The following LYZL4 variants were observed in gnomAD, a reference collection of about 807,000 sequenced individuals.
LYZL4 encodes the protein lysozyme-like protein 4.
LYZL4 carries 13 observed loss-of-function variants against 17.6 expected under a neutral mutation model. That is an observed-to-expected ratio of 0.74 (90% CI 0.48 to 1.18). The LOEUF is 1.18. Among genes scored for constraint, LYZL4 ranks in the 50% most tolerant of loss-of-function variants. LYZL4 has a pLI of 0.00. For missense variants in LYZL4, 174 were observed against 188.2 expected (o/e 0.92, Z 0.44); for synonymous variants, 64 against 67.7 (o/e 0.95, Z 0.27).
chr3:42,370,906 A>G, the LYZL4 span, among the ~76,000 whole-genome samples: 1 of 152,178 alleles, frequency 6.6e-6, no homozygotes, highest in Non-Finnish European at 1.5e-5. Flanking sequence ...TACGATCTGA[A>G]TGGTCATTTC....
At chr3:42,397,696 C>A (rs138810755) in intron 4 of LYZL4, among the ~76,000 whole-genome samples, 1 of 152,214 alleles carries the variant, frequency 6.6e-6, no homozygotes, top group East Asian at 1.9e-4. Flanking sequence ...CCGTGACTTT[C>A]CCAGAGTCAC....
chr3:42,378,107 C>G, the LYZL4 span, among the ~76,000 whole-genome samples: 1 of 152,290 alleles, frequency 6.6e-6, no homozygotes, highest in East Asian at 1.9e-4. Flanking sequence ...CCCAGGGGAG[C>G]AGAACTTGTG....
downstream of LYZL4, among the ~76,000 whole-genome samples, chr3:42,395,174 ATTCTAACTTACAGCCAT>A (rs538239056): frequency 1.2e-4 from 18 of 152,320 alleles, no homozygotes; most frequent in East Asian, 3.5e-3. Flanking sequence ...TGTCTCTGAA[ATTCTAACTTACAGCCAT>A]TTCTTCCTTC....
chr3:42,405,267 C>T (rs1698728779), intron 3 of LYZL4, among the ~76,000 whole-genome samples: 2 of 152,194 alleles, frequency 1.3e-5, no homozygotes, highest in African/African-American at 2.4e-5. Context: ...CCAGGATGGT[C>T]CCGATCTCCT....
chr3:42,364,693 C>T, the LYZL4 span, among the ~76,000 whole-genome samples: 1 of 151,990 alleles, frequency 6.6e-6, no homozygotes, highest in African/African-American at 2.4e-5. Flanking sequence ...AGGCTGGTCT[C>T]GAACTCCTGG....
chr3:42,391,938 G>T, the LYZL4 span, among the ~76,000 whole-genome samples: 3 of 151,356 alleles, frequency 2.0e-5, no homozygotes, highest in South Asian at 6.3e-4. Flanking sequence ...GCAGTGGTGC[G>T]ATCTCACTAC....
the LYZL4 span, among the ~76,000 whole-genome samples, chr3:42,367,251 T>C: frequency 1.3e-5 from 2 of 152,120 alleles, no homozygotes; most frequent in East Asian, 3.9e-4. Context: ...CAAAATTGAG[T>C]GTGCCAAGGG....
intron 4 of LYZL4, among the ~76,000 whole-genome samples, chr3:42,402,363 G>T (rs1332859546): frequency 7.1e-6 from 1 of 139,990 alleles, no homozygotes; most frequent in African/African-American, 2.8e-5. Context: ...AAGATAGAAA[G>T]GTAACTCACA....
intron 3 of LYZL4, among the ~76,000 whole-genome samples, chr3:42,405,093 G>C (rs1371767848): frequency 6.6e-6 from 1 of 152,008 alleles, no homozygotes; most frequent in Admixed American, 6.6e-5. Context: ...CTGTCTCCCA[G>C]GCTGGAGTAC....
At chr3:42,408,426 A>G (rs1408924994) in intron 1 of LYZL4, among the ~76,000 whole-genome samples, 1 of 152,172 alleles carries the variant, frequency 6.6e-6, no homozygotes, top group Non-Finnish European at 1.5e-5. Flanking sequence ...ACAGGGCCCT[A>G]CCATGCCTTT....
At chr3:42,376,050 T>C in the LYZL4 span, among the ~76,000 whole-genome samples, 118 of 152,264 alleles carry the variant, frequency 7.7e-4, no homozygotes, top group Admixed American at 2.0e-3. Flanking sequence ...CACCTTCATG[T>C]GCCATCAAAA....
chr3:42,401,471 C>A (rs1305291057), intron 4 of LYZL4, among the ~76,000 whole-genome samples: 1 of 152,062 alleles, frequency 6.6e-6, no homozygotes, highest in African/African-American at 2.4e-5. Flanking sequence ...CCACCTCAGC[C>A]TCCCAAAGTG....
At chr3:42,367,427 G>A in the LYZL4 span, among the ~76,000 whole-genome samples, 22 of 152,130 alleles carry the variant, frequency 1.4e-4, no homozygotes, top group Admixed American at 1.0e-3. Context: ...AAGAATAAGC[G>A]GACACAGACA....
At chr3:42,405,308 A>T (rs1183220735) in intron 3 of LYZL4, among the ~76,000 whole-genome samples, 2 of 152,176 alleles carry the variant, frequency 1.3e-5, no homozygotes, top group Non-Finnish European at 2.9e-5. Flanking sequence ...TCGGCCTCCC[A>T]AAGTGCTGGG....
At position 42,404,702 on chromosome 3, in the gene LYZL4, A is replaced by G. The variant is rs1698718562; in HGVS notation, c.293-578T>C. 2.0e-5 allele frequency among the ~76,000 whole-genome samples: 3 copies of G among 152,324 alleles called. No individual in the cohort carries two copies. The South Asian group carries it at 6.2e-4, about 32-fold the overall frequency. On this transcript the variant is annotated intron_variant, in intron 3 of 4. Transcript: ENST00000287748. ...TAGATAGATTTATAGATAGATATCTATATTTATCTATGTTTATAGATATCT... is the reference window on the plus strand; with the variant it reads ...TAGATAGATTTATAGATAGATATCTGTATTTATCTATGTTTATAGATATCT...
At chr3:42,396,323 A>C (rs1317765950), downstream of LYZL4, among the ~76,000 whole-genome samples, 1 of 152,178 alleles carries the variant, frequency 6.6e-6, no homozygotes, top group Non-Finnish European at 1.5e-5. Flanking sequence ...TGACCTGCTG[A>C]GCAGATACCT....
chr3:42,373,319 A>G, the LYZL4 span, among the ~76,000 whole-genome samples: 1 of 152,110 alleles, frequency 6.6e-6, no homozygotes, highest in African/African-American at 2.4e-5. Flanking sequence ...GGTCCTGGAC[A>G]TTTGTCATCA....
chr3:42,371,365 C>T, the LYZL4 span, among the ~76,000 whole-genome samples: 1 of 152,196 alleles, frequency 6.6e-6, no homozygotes, highest in African/African-American at 2.4e-5. Context: ...CCTGTGTTGT[C>T]TACTTTTGCA....
chr3:42,377,617 A>C, the LYZL4 span, among the ~76,000 whole-genome samples: 2 of 123,694 alleles, frequency 1.6e-5, no homozygotes, highest in Admixed American at 1.8e-4. Flanking sequence ...TAAGTGATGC[A>C]TGACTCTCTG....
Sources: gnomAD v4.1 joint callset for allele counts (sites outside exome capture counted in the v4.1 genomes callset) on GRCh38, gnomAD v4.1.1 for gene constraint, MANE v1.5 for transcripts, NCBI Gene and HGNC (gene_info 2026-07-23, HGNC 2026-07-21) for gene names.